Variants in IP6K1 observed in about 807,000 individuals in gnomAD.
IP6K1 encodes inositol hexakisphosphate kinase 1.
A neutral mutation model predicts 38.3 loss-of-function variants in IP6K1; 13 were observed. That is an observed-to-expected ratio of 0.34 (90% CI 0.22 to 0.54). The LOEUF (loss-of-function observed/expected upper bound fraction) is 0.54. Ranked by LOEUF, IP6K1 falls within the 20% of genes least tolerant of loss-of-function variation. The pLI is 0.92. For synonymous variants in IP6K1, 212 were observed against 229.9 expected (o/e 0.92, Z 0.70); for missense variants, 397 against 599.8 (o/e 0.66, Z 3.53).
At chr3:49,741,228 GAACTGCCA>G (rs1314411392) in intron 2 of IP6K1, among the ~76,000 whole-genome samples, 1 of 152,132 alleles carries the variant, frequency 6.6e-6, no homozygotes, top group Admixed American at 6.6e-5. Flanking sequence ...CCTTTGGGAG[GAACTGCCA>G]AACTCTTTTC....
chr3:49,776,793 ATAT>A (rs2081020252), intron 1 of IP6K1, among the ~76,000 whole-genome samples: 1 of 152,222 alleles, frequency 6.6e-6, no homozygotes, highest in Admixed American at 6.5e-5. Flanking sequence ...GATCGACTGT[ATAT>A]TAATATGATT....
At chr3:49,770,092 G>C (rs933371925) in intron 1 of IP6K1, among the ~76,000 whole-genome samples, 1 of 152,092 alleles carries the variant, frequency 6.6e-6, no homozygotes, top group Non-Finnish European at 1.5e-5. Flanking sequence ...GTTCCAGCTT[G>C]AGAGGCTGAG....
intron 1 of IP6K1, among the ~76,000 whole-genome samples, chr3:49,765,634 G>A (rs540752859): frequency 1.5e-5 from 2 of 136,926 alleles, no homozygotes; most frequent in Non-Finnish European, 3.1e-5. Context: ...GCAACAGAGC[G>A]AGACTCGTCT....
At chr3:49,763,502 C>G (rs1278230519) in intron 1 of IP6K1, among the ~76,000 whole-genome samples, 3 of 151,996 alleles carry the variant, frequency 2.0e-5, no homozygotes, top group Non-Finnish European at 2.9e-5. Flanking sequence ...AATACAGATA[C>G]AAAAATCTTC....
In IP6K1 at chr3:49,727,975, A is replaced by G; in HGVS notation, c.792+128T>C. On this transcript the variant is annotated intron_variant, in intron 5 of 5. Coordinates refer to ENST00000321599, the MANE Select transcript of IP6K1 (RefSeq NM_153273.4). This position sits in a 1 kb window ranked among gnomAD's most constrained non-coding sequence, Gnocchi z 5.9. ...CACAGTGGTCCTGCACCTGAGGCCC[A>G]TATCAAAGTCAACAGGTAAGGACAG... is the stretch of plus-strand genomic sequence containing the variant. 2.2e-6 allele frequency: 2 copies of G among 903,252 alleles called. No individual in the cohort carries two copies. Among genetic ancestry groups the G allele is most frequent in the Non-Finnish European group, 3.4e-6 (2 of 582,904 alleles). 56.0% of individuals were successfully genotyped at this position (903,252 alleles called of 1,614,324 possible). A position where few individuals can be genotyped will look rare whatever the true frequency, so the allele number is the denominator to read the frequency against.
Position 49,731,887 on chromosome 3 carries a change from C to CAAAAAAAAAAAAAAAAAA in IP6K1, c.616+886_616+903dup, listed in dbSNP as rs71080545. ...TGGGTAACAGAGTGAGACTCTGTCT[C>CAAAAAAAAAAAAAAAAAA]AAAAAAAAAAAAAAAAAAGGAATTC... On this transcript the variant is annotated intron_variant, in intron 4 of 5. Coordinates refer to ENST00000321599, the MANE Select transcript of IP6K1 (RefSeq NM_153273.4). 7.0e-4 allele frequency among the ~76,000 whole-genome samples: 46 copies of CAAAAAAAAAAAAAAAAAA among 65,332 alleles called. 4 individuals carry two copies. The highest frequency in any genetic ancestry group is 2.1e-3 in the South Asian group (3 of 1,412). 42.9% of individuals were successfully genotyped at this position (65,332 alleles called of 152,430 possible).
chr3:49,756,226 C>T (rs1350707591), intron 1 of IP6K1, among the ~76,000 whole-genome samples: 1 of 152,002 alleles, frequency 6.6e-6, no homozygotes, highest in Non-Finnish European at 1.5e-5. Flanking sequence ...AAACAGGGAA[C>T]AAGGAAAAAA....
intron 1 of IP6K1, among the ~76,000 whole-genome samples, chr3:49,771,033 C>T (rs1439023354): frequency 2.0e-5 from 3 of 151,588 alleles, no homozygotes; most frequent in Non-Finnish European, 4.4e-5. Context: ...GCAGGAGGGT[C>T]GTTTAAGCCC....
At chr3:49,774,601 G>A (rs996253990) in intron 1 of IP6K1, among the ~76,000 whole-genome samples, 1 of 152,046 alleles carries the variant, frequency 6.6e-6, no homozygotes, top group African/African-American at 2.4e-5. Context: ...TACAAATTCA[G>A]CTATGCATAA....
At chr3:49,768,746 G>T (rs907929263) in intron 1 of IP6K1, among the ~76,000 whole-genome samples, 2 of 152,004 alleles carry the variant, frequency 1.3e-5, no homozygotes, top group African/African-American at 4.8e-5. Context: ...CTCCAGCCTC[G>T]GTGACAGAGT....
At chr3:49,783,143 G>A (rs1194535053) in intron 1 of IP6K1, among the ~76,000 whole-genome samples, 1 of 151,558 alleles carries the variant, frequency 6.6e-6, no homozygotes, top group Non-Finnish European at 1.5e-5. Context: ...GGCCAGGCAT[G>A]GTGGCTCATG....
At chr3:49,784,144 C>G (rs1455012124) in intron 1 of IP6K1, among the ~76,000 whole-genome samples, 1 of 151,932 alleles carries the variant, frequency 6.6e-6, no homozygotes, top group African/African-American at 2.4e-5. Context: ...AGCCTCCATG[C>G]ACCACCACGC....
At chr3:49,778,624 C>T (rs2081039213) in intron 1 of IP6K1, among the ~76,000 whole-genome samples, 1 of 151,806 alleles carries the variant, frequency 6.6e-6, no homozygotes, top group Admixed American at 6.6e-5. Flanking sequence ...CAAAGCGAGA[C>T]TTCATCTCAA....
intron 2 of IP6K1, among the ~76,000 whole-genome samples, chr3:49,745,672 T>C (rs1452376202): frequency 6.6e-6 from 1 of 152,164 alleles, no homozygotes; most frequent in African/African-American, 2.4e-5. Context: ...TTGCCCAACA[T>C]GGTGAAACCC....
At chr3:49,745,822 C>G (rs2080715976) in intron 2 of IP6K1, among the ~76,000 whole-genome samples, 1 of 149,686 alleles carries the variant, frequency 6.7e-6, no homozygotes, top group Non-Finnish European at 1.5e-5. Flanking sequence ...CCACTGCACT[C>G]CAGCCTGGGC....
chr3:49,772,786 A>G (rs1002120231), intron 1 of IP6K1, among the ~76,000 whole-genome samples: 10 of 151,366 alleles, frequency 6.6e-5, no homozygotes, highest in African/African-American at 2.2e-4. Flanking sequence ...ACATAGAGAC[A>G]GGGTCTCACT....
intron 2 of IP6K1, among the ~76,000 whole-genome samples, chr3:49,747,223 A>G (rs2080727943): frequency 6.6e-6 from 1 of 152,262 alleles, no homozygotes; most frequent in African/African-American, 2.4e-5. Flanking sequence ...ATGAGCAATC[A>G]TAAAAATTTA....
intron 3 of IP6K1, among the ~76,000 whole-genome samples, chr3:49,735,505 G>A (rs967228651): frequency 6.6e-6 from 1 of 152,220 alleles, no homozygotes; most frequent in Admixed American, 6.5e-5. Context: ...CAGCCTCTTG[G>A]GGAGTGAAGG....
intron 1 of IP6K1, among the ~76,000 whole-genome samples, chr3:49,784,187 G>C (rs1054127220): frequency 4.0e-5 from 6 of 151,810 alleles, no homozygotes; most frequent in Admixed American, 3.3e-4. Flanking sequence ...GTAGACATGG[G>C]ATTTTGCCAT....
Sources: gnomAD v4.1 joint callset for allele counts (sites outside exome capture counted in the v4.1 genomes callset) on GRCh38, gnomAD v4.1.1 for gene constraint, Gnocchi (gnomAD v3.1) non-coding constraint, MANE v1.5 for transcripts, NCBI Gene and HGNC (gene_info 2026-07-23, HGNC 2026-07-21) for gene names.